The following EHBP1 variants were observed in gnomAD, a reference collection of about 807,000 sequenced individuals.
EHBP1 encodes the protein EH domain binding protein 1.
In EHBP1, 55 loss-of-function variants were observed where a neutral mutation model predicts 144.0. The observed-to-expected ratio is 0.38, with a 90% CI of 0.31 to 0.48. EHBP1 has a LOEUF of 0.48. Ranked by LOEUF, EHBP1 falls within the 20% of genes least tolerant of loss-of-function variation. EHBP1 has a pLI of 0.98. For missense variants in EHBP1, 1,200 were observed against 1,364.2 expected (o/e 0.88, Z 1.90); for synonymous variants, 469 against 472.7 (o/e 0.99, Z 0.10).
intron 5 of EHBP1, among the ~76,000 whole-genome samples, chr2:62,819,659 G>A (rs2045740112): frequency 6.6e-6 from 1 of 151,790 alleles, no homozygotes; most frequent in Non-Finnish European, 1.5e-5. Flanking sequence ...AGCTACTTGG[G>A]AGACTGAGGA....
intron 9 of EHBP1, 121 bp downstream of exon 9, chr2:62,865,092 T>A: frequency 8.9e-7 from 1 of 1,124,502 alleles, no homozygotes; most frequent in Non-Finnish European, 1.3e-6. Context: ...AGTCAGTATC[T>A]AACTCGTCCA....
chr2:62,776,310 A>G (rs1424290796), intron 5 of EHBP1, among the ~76,000 whole-genome samples: 1 of 152,204 alleles, frequency 6.6e-6, no homozygotes, highest in Non-Finnish European at 1.5e-5. Context: ...TGGCTATGCA[A>G]CCTTAGATAA....
At chr2:62,676,715 T>C (rs1023934091) in intron 1 of EHBP1, among the ~76,000 whole-genome samples, 2 of 152,250 alleles carry the variant, frequency 1.3e-5, no homozygotes, top group Admixed American at 6.5e-5. Context: ...ATTCCTTTTT[T>C]TTTTTAAAGG....
At chr2:62,879,184 A>G (rs969607563) in intron 10 of EHBP1, among the ~76,000 whole-genome samples, 1 of 152,186 alleles carries the variant, frequency 6.6e-6, no homozygotes, top group African/African-American at 2.4e-5. Context: ...AGTTAACACC[A>G]TACTGAATGG....
At chr2:62,682,585 T>C (rs916339010) in intron 1 of EHBP1, among the ~76,000 whole-genome samples, 30 of 152,308 alleles carry the variant, frequency 2.0e-4, no homozygotes, top group Non-Finnish European at 8.8e-5. Flanking sequence ...AGATAGCATG[T>C]GATAAACTGA....
intron 5 of EHBP1, among the ~76,000 whole-genome samples, chr2:62,778,389 A>G (rs72807577): frequency 0.044 from 6,695 of 152,148 alleles, 205 homozygotes; most frequent in Middle Eastern, 0.095. Context: ...ACAAAATGTC[A>G]AAAAATAGCT....
rs1201861234 is a variant in EHBP1 at position 62,729,413 on chromosome 2, A to ATTTATTATAT, written c.105-17982_105-17981insTTTATTATAT. ...ATTTATTATATATAATAAATATAAT[A>ATTTATTATAT]ATAATAATATAATATAATAATAATA... On this transcript the variant is annotated intron_variant, in intron 2 of 22. Transcript: ENST00000431489. Among the ~76,000 whole-genome samples, 155 of 113,946 alleles carry ATTTATTATAT rather than the reference A, an allele frequency of 1.4e-3. 1 individual carries two copies. Among genetic ancestry groups the ATTTATTATAT allele is most frequent in the African/African-American group, 5.0e-3 (147 of 29,218 alleles). The allele number at this position is 113,946 out of a possible 152,430, so 74.8% of individuals were successfully genotyped here. A position where few individuals can be genotyped will look rare whatever the true frequency, so the allele number is the denominator to read the frequency against.
At chr2:62,987,650 G>T (rs1210542715) in intron 15 of EHBP1, among the ~76,000 whole-genome samples, 1 of 152,078 alleles carries the variant, frequency 6.6e-6, no homozygotes, top group Non-Finnish European at 1.5e-5. Context: ...AAAATACAGG[G>T]ACTCAATGAG....
intron 19 of EHBP1, among the ~76,000 whole-genome samples, chr2:63,003,217 A>G (rs143880343): frequency 1.3e-5 from 2 of 152,182 alleles, no homozygotes; most frequent in East Asian, 1.9e-4. Flanking sequence ...CAAAAACTCT[A>G]TTGACCACCA....
intron 19 of EHBP1, among the ~76,000 whole-genome samples, chr2:63,019,821 A>C (rs2060635020): frequency 9.8e-6 from 1 of 101,852 alleles, no homozygotes; most frequent in Non-Finnish European, 2.0e-5. Flanking sequence ...AGGGAAGGGA[A>C]GAGGGGGAGG....
chr2:62,949,299 G>C, intron 13 of EHBP1, 137 bp downstream of exon 13: 3 of 769,876 alleles, frequency 3.9e-6, no homozygotes, highest in Non-Finnish European at 5.8e-6. Flanking sequence ...GAGGCATGTA[G>C]TAATGTGTGC....
At chr2:63,037,473 T>G (rs2061486649) in intron 19 of EHBP1, 62 bp from the exon 20 acceptor site, 2 of 1,075,646 alleles carry the variant, frequency 1.9e-6, no homozygotes, top group Admixed American at 2.2e-5. Flanking sequence ...AATTATGTGC[T>G]AAACTACTAT....
intron 10 of EHBP1, among the ~76,000 whole-genome samples, chr2:62,891,030 T>G (rs1184412236): frequency 1.3e-5 from 2 of 151,802 alleles, no homozygotes; most frequent in African/African-American, 2.4e-5. Context: ...ATACAAAAAT[T>G]TGCTGGGCAT....
intron 3 of EHBP1, among the ~76,000 whole-genome samples, chr2:62,759,898 T>G (rs1297572905): frequency 6.6e-6 from 1 of 152,336 alleles, no homozygotes; most frequent in East Asian, 1.9e-4. Context: ...AACACTATTT[T>G]TTTTTGGTCA....
intron 5 of EHBP1, among the ~76,000 whole-genome samples, chr2:62,789,658 G>A (rs139107155): frequency 7.6e-4 from 116 of 152,262 alleles, no homozygotes; most frequent in Middle Eastern, 3.4e-3. Context: ...GGTTCCACAC[G>A]GAGTGCCAAT....
chr2:63,002,226 C>T (rs767070850), intron 19 of EHBP1, among the ~76,000 whole-genome samples: 13 of 152,026 alleles, frequency 8.6e-5, no homozygotes, highest in Non-Finnish European at 1.5e-4. Context: ...TAGGAATACC[C>T]GAAAATGTTT....
intron 5 of EHBP1, among the ~76,000 whole-genome samples, chr2:62,803,043 A>G (rs2044150375): frequency 6.6e-6 from 1 of 152,078 alleles, no homozygotes; most frequent in African/African-American, 2.4e-5. Flanking sequence ...CATACTTAAC[A>G]TGTTGTTTTG....
At chr2:62,870,586 G>A (rs2050381729) in intron 9 of EHBP1, among the ~76,000 whole-genome samples, 1 of 151,428 alleles carries the variant, frequency 6.6e-6, no homozygotes, top group African/African-American at 2.4e-5. Flanking sequence ...TGTAGTGGCA[G>A]GTGCCTGTAA....
chr2:63,023,210 G>A (rs2060832406), intron 19 of EHBP1, among the ~76,000 whole-genome samples: 1 of 152,060 alleles, frequency 6.6e-6, no homozygotes, highest in South Asian at 2.1e-4. Flanking sequence ...ATTTTTAGAT[G>A]CTTAATATTA....
Sources: gnomAD v4.1 joint callset for allele counts (sites outside exome capture counted in the v4.1 genomes callset) on GRCh38, gnomAD v4.1.1 for gene constraint, MANE v1.5 for transcripts, NCBI Gene and HGNC (gene_info 2026-07-23, HGNC 2026-07-21) for gene names.